PHF20: variants seen among roughly 807,000 people sequenced by gnomAD.
PHF20 encodes glioma-expressed antigen 2.
Under a neutral mutation model 113.5 loss-of-function variants are expected in PHF20, and 23 were observed. That is an observed-to-expected ratio of 0.20 (90% CI 0.15 to 0.29). The LOEUF (loss-of-function observed/expected upper bound fraction) is 0.29, where lower values mean the gene tolerates loss of function less well. PHF20 is among the 10% of genes least tolerant of loss of function. The probability of loss-of-function intolerance (pLI) is 1.00; values close to 1 mark genes in which losing one functional copy is unlikely to be tolerated. For synonymous variants in PHF20, 434 were observed against 457.3 expected (o/e 0.95, Z 0.65); for missense variants, 943 against 1,219.6 (o/e 0.77, Z 3.38).
intron 5 of PHF20, 34 bp downstream of exon 5, chr20:35,858,415 A>G (rs897121619): frequency 8.8e-7 from 1 of 1,137,944 alleles, no homozygotes; most frequent in Non-Finnish European, 1.3e-6. Flanking sequence ...TGTGTTATGA[A>G]TAATGCTAAC....
At chr20:35,786,609 G>A (rs1377808387) in intron 1 of PHF20, among the ~76,000 whole-genome samples, 3 of 152,188 alleles carry the variant, frequency 2.0e-5, no homozygotes. Context: ...GGCTGAGGCA[G>A]GAGAATCACT....
chr20:35,813,745 C>T (rs555314422), intron 2 of PHF20, among the ~76,000 whole-genome samples: 1 of 152,080 alleles, frequency 6.6e-6, no homozygotes, highest in South Asian at 2.1e-4. Context: ...GTAGTCTCAG[C>T]TACTCAGGAG....
chr20:35,938,884 G>A lies in PHF20; in HGVS notation c.2488G>A (p.Val830Met). Residue 830 changes from valine (V) to methionine (M), a missense_variant, in exon 16 of 18, where the codon GTG (valine) becomes ATG (methionine). Val to Met is a conservative substitution (Grantham distance 21). Coordinates refer to ENST00000374012, the MANE Select transcript of PHF20 (RefSeq NM_016436.5). ...RPLALPLPRS[V>M]EESYITSEHC... ...CCTGGCCCTGCCCCTGCCGCGTTCT[G>A]TGGAGGAATCCTATATCACCAGTGA... 6.2e-7 allele frequency: 1 copy of A among 1,614,182 alleles called. No homozygotes were observed. The highest frequency in any genetic ancestry group is 1.1e-5 in the South Asian group (1 of 91,088).
chr20:35,844,543 CCACACACACACACACACACACACACA>C (rs61622083), intron 3 of PHF20, among the ~76,000 whole-genome samples: 1 of 117,710 alleles, frequency 8.5e-6, no homozygotes, highest in African/African-American at 3.2e-5. Context: ...TTCACCATCA[CCACACACACACACACACACACACACA>C]CACACACACA....
chr20:35,917,756 GC>G, intron 13 of PHF20, 94 bp downstream of exon 13: 2 of 1,098,740 alleles, frequency 1.8e-6, no homozygotes, highest in Non-Finnish European at 2.6e-6. Context: ...TCATAGCAGA[GC>G]CCCAGAAACA....
At chr20:35,836,788 A>G (rs2042449166) in intron 2 of PHF20, among the ~76,000 whole-genome samples, 1 of 149,216 alleles carries the variant, frequency 6.7e-6, no homozygotes, top group Admixed American at 6.7e-5. Flanking sequence ...CAGAGCCTGC[A>G]GTGAGCCGAG....
intron 9 of PHF20, among the ~76,000 whole-genome samples, chr20:35,885,942 T>C (rs901524010): frequency 6.6e-6 from 1 of 152,064 alleles, no homozygotes; most frequent in Non-Finnish European, 1.5e-5. Context: ...GATATCTAAC[T>C]TTCATCATTC....
rs902478024 is a variant in PHF20 at position 35,871,638 on chromosome 20, T to C, written c.1103-12T>C. On this transcript the variant is annotated splice_polypyrimidine_tract_variant and intron_variant, in intron 8 of 17. Coordinates refer to ENST00000374012, the MANE Select transcript of PHF20 (RefSeq NM_016436.5). ...ATGTATATTTCCCCCAAACTTTCTT[T>C]TTTTCTTCTAGGTCAGTTGAAGTCT... is the stretch of plus-strand genomic sequence containing the variant. 3 of 1,576,078 alleles carry C rather than the reference T, an allele frequency of 1.9e-6. No homozygotes were observed. The highest frequency in any genetic ancestry group is 1.4e-5 in the African/African-American group (1 of 72,904).
At chr20:35,776,055 C>T (rs1306277025) in intron 1 of PHF20, among the ~76,000 whole-genome samples, 1 of 152,334 alleles carries the variant, frequency 6.6e-6, no homozygotes, top group South Asian at 2.1e-4. Flanking sequence ...AGCAGTCCTC[C>T]ACCTTAGCTT....
At chr20:35,831,112 ATTTC>A (rs1010687227) in intron 2 of PHF20, among the ~76,000 whole-genome samples, 4 of 151,830 alleles carry the variant, frequency 2.6e-5, no homozygotes, top group African/African-American at 9.7e-5. Flanking sequence ...CACTAAAGTT[ATTTC>A]TTTCTTCCTT....
chr20:35,860,299 G>A (rs1367063818), intron 5 of PHF20, among the ~76,000 whole-genome samples: 1 of 146,834 alleles, frequency 6.8e-6, no homozygotes, highest in African/African-American at 2.5e-5. Flanking sequence ...GGAGTACAGT[G>A]ATGCAATCTA....
chr20:35,776,003 T>G (rs2041168532), intron 1 of PHF20, among the ~76,000 whole-genome samples: 1 of 152,098 alleles, frequency 6.6e-6, no homozygotes, highest in South Asian at 2.1e-4. Context: ...AGAGATGAGA[T>G]CTTGCCATTT....
intron 4 of PHF20, among the ~76,000 whole-genome samples, chr20:35,851,593 CTT>C (rs894678260): frequency 6.7e-6 from 1 of 148,802 alleles, no homozygotes; most frequent in African/African-American, 2.5e-5. Flanking sequence ...CACCCCGCCC[CTT>C]TTTTTTTGCC....
chr20:35,794,329 G>A (rs1422398544), intron 1 of PHF20, among the ~76,000 whole-genome samples: 1 of 149,636 alleles, frequency 6.7e-6, no homozygotes, highest in Non-Finnish European at 1.5e-5. Context: ...AAAAAGAAAT[G>A]ACCCTTATGT....
intron 4 of PHF20, among the ~76,000 whole-genome samples, chr20:35,848,309 C>T (rs1197683122): frequency 6.6e-6 from 1 of 151,844 alleles, no homozygotes; most frequent in East Asian, 1.9e-4. Flanking sequence ...GCTCTGTTGC[C>T]CAGGCTGGAG....
intron 5 of PHF20, among the ~76,000 whole-genome samples, chr20:35,859,240 A>C (rs2054172384): frequency 1.3e-5 from 2 of 152,134 alleles, no homozygotes; most frequent in African/African-American, 4.8e-5. Context: ...CAGTTTTGGT[A>C]CTGGAAATAT....
intron 9 of PHF20, among the ~76,000 whole-genome samples, chr20:35,880,282 C>T (rs566449726): frequency 6.6e-6 from 1 of 152,268 alleles, no homozygotes; most frequent in Admixed American, 6.5e-5. Flanking sequence ...GGAGGCAAAG[C>T]AGCTAGCACA....
chr20:35,816,432 A>G (rs1265795893), intron 2 of PHF20, among the ~76,000 whole-genome samples: 1 of 151,836 alleles, frequency 6.6e-6, no homozygotes, highest in Non-Finnish European at 1.5e-5. Flanking sequence ...TATTTGATTT[A>G]TGTCATAAAC....
At chr20:35,856,965 T>C (rs2042839801) in intron 4 of PHF20, among the ~76,000 whole-genome samples, 1 of 152,104 alleles carries the variant, frequency 6.6e-6, no homozygotes, top group African/African-American at 2.4e-5. Flanking sequence ...TGATTAGCCA[T>C]TGACTAGGCC....
Sources: gnomAD v4.1 joint callset for allele counts (sites outside exome capture counted in the v4.1 genomes callset) on GRCh38, gnomAD v4.1.1 for gene constraint, MANE v1.5 for transcripts, NCBI Gene and HGNC (gene_info 2026-07-23, HGNC 2026-07-21) for gene names.